The following CSMD1 variants were observed in gnomAD, a reference collection of about 807,000 sequenced individuals.
CSMD1 encodes the protein CUB and sushi domain-containing protein 1.
A neutral mutation model predicts 417.5 loss-of-function variants in CSMD1; 213 were observed. The ratio of observed to expected loss-of-function variants is 0.51; its 90% CI spans 0.46 to 0.57. CSMD1 has a LOEUF of 0.57. Among genes scored for constraint, CSMD1 ranks in the 20% least tolerant of loss-of-function variants. The probability of loss-of-function intolerance (pLI) is 0.00; values close to 1 mark genes in which losing one functional copy is unlikely to be tolerated. For missense variants in CSMD1, 6,923 were observed against 4,529.7 expected, an observed-to-expected ratio of 1.53 and a Z score of -15.17; for synonymous variants, 2,862 against 1,736.8, an observed-to-expected ratio of 1.65 and a Z score of -16.11.
intron 3 of CSMD1, among the ~76,000 whole-genome samples, chr8:4,366,746 T>G (rs1802097313): frequency 6.6e-6 from 1 of 152,164 alleles, no homozygotes; most frequent in Admixed American, 6.6e-5. Flanking sequence ...TTAGGGTACA[T>G]GTGAACAACG....
At chr8:3,509,511 T>C (rs1380440356) in intron 10 of CSMD1, among the ~76,000 whole-genome samples, 2 of 152,208 alleles carry the variant, frequency 1.3e-5, no homozygotes, top group Non-Finnish European at 2.9e-5. Flanking sequence ...ATCTTTAAAA[T>C]GAAGAAGGTA....
intron 5 of CSMD1, among the ~76,000 whole-genome samples, chr8:3,810,010 A>G (rs1182618048): frequency 6.6e-6 from 1 of 152,204 alleles, no homozygotes; most frequent in African/African-American, 2.4e-5. Flanking sequence ...TGACTGCCAC[A>G]TGCAAAATTA....
chr8:4,433,442 G>A (rs1797981145), intron 2 of CSMD1, among the ~76,000 whole-genome samples: 1 of 152,082 alleles, frequency 6.6e-6, no homozygotes, highest in South Asian at 2.1e-4. Context: ...GCACATTAAA[G>A]GCAATTCCCT....
chr8:2,976,844 A>C (rs1585081700), intron 55 of CSMD1, among the ~76,000 whole-genome samples: 1 of 152,256 alleles, frequency 6.6e-6, no homozygotes, highest in African/African-American at 2.4e-5. Flanking sequence ...AAAGAAAATA[A>C]CACTTTGGCT....
chr8:3,500,824 GA>G (rs1326874433), intron 10 of CSMD1, among the ~76,000 whole-genome samples: 1 of 152,172 alleles, frequency 6.6e-6, no homozygotes, highest in Non-Finnish European at 1.5e-5. Flanking sequence ...GGCAGAATGG[GA>G]TGTGAGGAAG....
At chr8:4,508,243 T>G (rs1802635820) in intron 2 of CSMD1, among the ~76,000 whole-genome samples, 1 of 151,896 alleles carries the variant, frequency 6.6e-6, no homozygotes, top group African/African-American at 2.4e-5. Flanking sequence ...TAACAAACAT[T>G]TATTTTTCAT....
At chr8:3,661,029 T>G (rs1798392261) in intron 7 of CSMD1, among the ~76,000 whole-genome samples, 1 of 152,194 alleles carries the variant, frequency 6.6e-6, no homozygotes, top group African/African-American at 2.4e-5. Flanking sequence ...GGTATGCGGA[T>G]GCTTCCTGCC....
intron 1 of CSMD1, among the ~76,000 whole-genome samples, chr8:4,691,992 A>G (rs1206592279): frequency 2.0e-5 from 3 of 152,180 alleles, no homozygotes; most frequent in African/African-American, 7.2e-5. Context: ...GTCTCAATCC[A>G]TCTTCAGTGC....
chr8:4,738,083 CCAG>C (rs1457062318), intron 1 of CSMD1, among the ~76,000 whole-genome samples: 2 of 152,110 alleles, frequency 1.3e-5, no homozygotes, highest in Non-Finnish European at 2.9e-5. Context: ...CATGCCAACA[CCAG>C]GTGAATGGGA....
chr8:4,040,689 G>A (rs543952298), intron 3 of CSMD1, among the ~76,000 whole-genome samples: 67 of 152,208 alleles, frequency 4.4e-4, no homozygotes, highest in Admixed American at 1.1e-3. Flanking sequence ...AGCTCTCGAG[G>A]CAAATTCATA....
intron 3 of CSMD1, among the ~76,000 whole-genome samples, chr8:4,148,800 G>C (rs1414140205): frequency 6.6e-6 from 1 of 152,132 alleles, no homozygotes; most frequent in African/African-American, 2.4e-5. Flanking sequence ...GGTGCATTGG[G>C]AAGGGATGTC....
chr8:3,836,852 G>C (rs1326347755), intron 5 of CSMD1, among the ~76,000 whole-genome samples: 1 of 151,916 alleles, frequency 6.6e-6, no homozygotes, highest in African/African-American at 2.4e-5. Context: ...ATATTTAAAT[G>C]TTAAGTATTT....
At chr8:4,820,541 G>A (rs147508934) in intron 1 of CSMD1, among the ~76,000 whole-genome samples, 1 of 152,048 alleles carries the variant, frequency 6.6e-6, no homozygotes, top group Admixed American at 6.6e-5. Flanking sequence ...GAATAATAAG[G>A]GAATGATCCA....
intron 5 of CSMD1, among the ~76,000 whole-genome samples, chr8:3,785,215 G>A (rs971109430): frequency 6.6e-6 from 1 of 152,330 alleles, no homozygotes; most frequent in South Asian, 2.1e-4. Flanking sequence ...TTGTTATGAA[G>A]AATCAATCCA....
At chr8:4,322,197 A>G (rs750432816) in intron 3 of CSMD1, among the ~76,000 whole-genome samples, 42 of 152,156 alleles carry the variant, frequency 2.8e-4, no homozygotes, top group Non-Finnish European at 5.4e-4. Flanking sequence ...ATTTCCTTTC[A>G]CTCTATGGTT....
chr8:3,818,445 G>A (rs969014327), intron 5 of CSMD1, among the ~76,000 whole-genome samples: 1 of 152,156 alleles, frequency 6.6e-6, no homozygotes, highest in Non-Finnish European at 1.5e-5. Context: ...AACTCCTCAT[G>A]GATCAGCTAT....
chr8:3,530,066 C>A (rs984760901), intron 10 of CSMD1, among the ~76,000 whole-genome samples: 10 of 152,114 alleles, frequency 6.6e-5, no homozygotes, highest in African/African-American at 2.4e-4. Context: ...CAGTCTATGA[C>A]CATTTTCATA....
At chr8:3,193,963 T>C (rs991316866) in intron 33 of CSMD1, among the ~76,000 whole-genome samples, 2 of 152,152 alleles carry the variant, frequency 1.3e-5, no homozygotes, top group Non-Finnish European at 2.9e-5. Context: ...TAAATCTGAG[T>C]GCATGTAGGA....
At chr8:4,006,495 G>C (rs988360872) in intron 4 of CSMD1, among the ~76,000 whole-genome samples, 1 of 152,162 alleles carries the variant, frequency 6.6e-6, no homozygotes, top group African/African-American at 2.4e-5. Context: ...AGTGAGCCAA[G>C]ATCACCCCAC....
Sources: allele counts gnomAD v4.1 joint callset (sites outside exome capture counted in the v4.1 genomes callset), GRCh38; gene constraint gnomAD v4.1.1; transcripts MANE v1.5; gene names NCBI Gene and HGNC (gene_info 2026-07-23, HGNC 2026-07-21).